The following FRMD4B variants were observed in gnomAD, a reference collection of about 807,000 sequenced individuals.
The protein encoded by FRMD4B is FERM domain containing 4B.
A neutral mutation model predicts 141.5 loss-of-function variants in FRMD4B; 74 were observed. The observed-to-expected ratio is 0.52, with a 90% CI of 0.43 to 0.63. The LOEUF is 0.63. FRMD4B is among the 30% of genes least tolerant of loss of function. FRMD4B has a pLI of 0.00. For missense variants in FRMD4B, 1,366 were observed against 1,253.4 expected (o/e 1.09, Z -1.36); for synonymous variants, 506 against 467.9 (o/e 1.08, Z -1.05).
intron 5 of FRMD4B, among the ~76,000 whole-genome samples, chr3:69,276,239 C>A (rs1036581915): frequency 3.3e-5 from 5 of 152,164 alleles, no homozygotes; most frequent in African/African-American, 1.2e-4. Context: ...AAGAATAGAT[C>A]CCTACAGTTG....
chr3:69,216,736 C>G (rs1185324058), intron 10 of FRMD4B, among the ~76,000 whole-genome samples: 1 of 151,928 alleles, frequency 6.6e-6, no homozygotes, highest in African/African-American at 2.4e-5. Context: ...GGCAATTTCA[C>G]CTCTTAACAA....
At chr3:69,257,381 T>C (rs2093499259) in intron 5 of FRMD4B, among the ~76,000 whole-genome samples, 2 of 152,184 alleles carry the variant, frequency 1.3e-5, no homozygotes, top group Admixed American at 6.5e-5. Flanking sequence ...GGAAGAAGTT[T>C]CTGATTTTTC....
rs1265135497 is a variant in FRMD4B at position 69,325,991 on chromosome 3, T to TCC, written c.163-12475_163-12474insGG. 2.4e-4 allele frequency among the ~76,000 whole-genome samples: 36 copies of TCC among 152,148 alleles called. No homozygotes were observed. The South Asian group carries it at 7.5e-3, about 32-fold the overall frequency. ...TATTATTTGAGACAAGGTCTCTCTCTCTATCACCCAGGCTGGAGTGGACCA... is the reference window on the plus strand; with the variant it reads ...TATTATTTGAGACAAGGTCTCTCTCTCCCTATCACCCAGGCTGGAGTGGACCA... On this transcript the variant is annotated intron_variant, in intron 1 of 22. Transcript: ENST00000398540.
At position 69,198,745 on chromosome 3, in the gene FRMD4B, T is replaced by C. The variant is rs764466280; in HGVS notation, c.906A>G (p.Leu302=). ...KLFQWKQLEN[L]YFREKKFAVE... ...CAGCAAATTTTTTCTCACGGAAATATAAGTTCTCCAGCTGTTTCCATTGGA... is the reference window on the plus strand; with the variant it reads ...CAGCAAATTTTTTCTCACGGAAATACAAGTTCTCCAGCTGTTTCCATTGGA... Residue 302 remains leucine, a synonymous_variant, in exon 12 of 23, where the codon TTA becomes TTG. Transcript: ENST00000398540. The C allele has an allele frequency of 9.6e-6, 15 of 1,562,084 alleles. No individual in the cohort carries two copies. Among genetic ancestry groups the C allele is most frequent in the Admixed American group, 9.1e-5 (5 of 55,056 alleles).
chr3:69,454,087 G>A (rs990437075), intron 1 of FRMD4B, among the ~76,000 whole-genome samples: 4 of 152,200 alleles, frequency 2.6e-5, no homozygotes, highest in Non-Finnish European at 5.9e-5. Flanking sequence ...ATTGGATGAG[G>A]AGGCAGAACA....
At chr3:69,211,022 C>CAAAAAAAAA (rs1559720205) in intron 11 of FRMD4B, among the ~76,000 whole-genome samples, 2 of 3,366 alleles carry the variant, frequency 5.9e-4, no homozygotes, top group African/African-American at 1.2e-3. Flanking sequence ...AATGCCATCT[C>CAAAAAAAAA]GAAAAAAAAA....
chr3:69,287,554 T>C (rs946682164), intron 5 of FRMD4B, 198 bp downstream of exon 5: 8 of 548,468 alleles, frequency 1.5e-5, no homozygotes, highest in East Asian at 3.0e-5. Context: ...GTGCAGATGG[T>C]TGTCTTTCCC....
In FRMD4B at chr3:69,181,241, G is replaced by C. The variant is rs367603851; in HGVS notation, c.2509C>G (p.Pro837Ala). 11 of 1,613,624 alleles carry C rather than the reference G, an allele frequency of 6.8e-6. No individual in the cohort carries two copies. The highest frequency in any genetic ancestry group is 9.3e-6 in the Non-Finnish European group (11 of 1,179,700). ...NDTEGQYSVNPSYRSSAHYGY... is the reference protein window; with the variant it reads ...NDTEGQYSVNASYRSSAHYGY... ...TAGTGGGCTGAGGACCGGTAGGAAG[G>C]GTTGACACTATACTGTCCCTCGGTG... Residue 837 changes from proline (P) to alanine (A), a missense_variant, in exon 21 of 23, where the codon CCT becomes GCT. Pro to Ala is a conservative substitution (Grantham distance 27). Coordinates refer to ENST00000398540, the MANE Select transcript of FRMD4B (RefSeq NM_015123.3).
chr3:69,437,121 G>C (rs1705271586), intron 1 of FRMD4B, among the ~76,000 whole-genome samples: 1 of 152,114 alleles, frequency 6.6e-6, no homozygotes, highest in South Asian at 2.1e-4. Context: ...CGCCCAGGCT[G>C]GAGTGCAGTG....
At chr3:69,388,429 T>G (rs986203), upstream of FRMD4B, among the ~76,000 whole-genome samples, 3 of 151,924 alleles carry the variant, frequency 2.0e-5, no homozygotes, top group African/African-American at 4.8e-5. Context: ...CAGGCAGCCC[T>G]GGAATCAGAA....
Position 69,195,354 on chromosome 3 carries a change from G to C in FRMD4B, c.1245C>G (p.Asp415Glu). Residue 415 changes from aspartate (D) to glutamate (E), a missense_variant, in exon 15 of 23, where the codon GAC becomes GAG. By Grantham distance (45) the Asp-to-Glu change is conservative (BLOSUM62 2). Transcript: ENST00000398540. ...TCTTTTGCTCTTCACTAACTTCTGA[G>C]TCTTGAGAACCTAGGGGATGAGGGA... ...NGSLISSGSQ[D>E]SEVSEEQKRE... 6.2e-7 allele frequency: 1 copy of C among 1,611,166 alleles called. No homozygotes were observed. The highest frequency in any genetic ancestry group is 1.1e-5 in the South Asian group (1 of 90,414).
In FRMD4B at chr3:69,263,236, G is replaced by A. The variant is rs1410915438; in HGVS notation, c.502-13137C>T. ...TGTGCCACTGCACTCCAACCTGGGT[G>A]ACAGAGCAAGACTCCGTCTCAAAAA... On this transcript the variant is annotated intron_variant, in intron 5 of 22. Coordinates refer to ENST00000398540, the MANE Select transcript of FRMD4B (RefSeq NM_015123.3). 2.0e-5 allele frequency among the ~76,000 whole-genome samples: 3 copies of A among 151,974 alleles called. No individual in the cohort carries two copies. The East Asian group carries it at 5.8e-4, about 29-fold the overall frequency.
At chr3:69,260,700 A>C (rs2093521449) in intron 5 of FRMD4B, among the ~76,000 whole-genome samples, 1 of 152,252 alleles carries the variant, frequency 6.6e-6, no homozygotes, top group South Asian at 2.1e-4. Flanking sequence ...CCACTAGGCG[A>C]AGCCAGATGG....
At chr3:69,481,644 C>A (rs1285791708) in intron 1 of FRMD4B, among the ~76,000 whole-genome samples, 1 of 152,192 alleles carries the variant, frequency 6.6e-6, no homozygotes, top group African/African-American at 2.4e-5. Context: ...ACTTCAATTT[C>A]TGGCTCACTG....
At chr3:69,403,984 T>C (rs72939718) in intron 2 of FRMD4B, among the ~76,000 whole-genome samples, 5,447 of 152,242 alleles carry the variant, frequency 0.036, 327 homozygotes, top group African/African-American at 0.12. Context: ...CAGCCTTGAA[T>C]TCCTGGGCTC....
intron 1 of FRMD4B, among the ~76,000 whole-genome samples, chr3:69,457,698 A>T (rs545772577): frequency 6.6e-6 from 1 of 152,320 alleles, no homozygotes; most frequent in South Asian, 2.1e-4. Flanking sequence ...ATTGTTTCTG[A>T]AGCACAGTTT....
In FRMD4B at chr3:69,408,941, GCACTTACC is replaced by G. The variant is rs968436147; in HGVS notation, c.-1+23685_-1+23692del. On this transcript the variant is annotated intron_variant, in intron 2 of 5. Coordinates refer to the FRMD4B transcript ENST00000459638. Reference sequence around the variant, plus strand: ...CAACCTGGGGTAAAATCCCAGCTCTGCACTTACCCACCTTATAATCTTGGAGGAATTAT... The same window carrying G: ...CAACCTGGGGTAAAATCCCAGCTCTGCACCTTATAATCTTGGAGGAATTAT... Among the ~76,000 whole-genome samples the G allele has an allele frequency of 6.5e-4, 99 of 152,238 alleles. 2 individuals carry two copies. The highest frequency in any genetic ancestry group is 2.3e-3 in the African/African-American group (96 of 41,538).
chr3:69,507,755 G>T (rs369899123), intron 1 of FRMD4B, among the ~76,000 whole-genome samples: 92 of 152,220 alleles, frequency 6.0e-4, no homozygotes, highest in African/African-American at 2.1e-3. Context: ...CCTTCTGATG[G>T]TCTGGCTTGA....
At chr3:69,355,218 T>C (rs1270815800) in intron 1 of FRMD4B, among the ~76,000 whole-genome samples, 2 of 152,138 alleles carry the variant, frequency 1.3e-5, no homozygotes, top group Admixed American at 1.3e-4. Context: ...AAAATTATCC[T>C]ATCAAGAGGG....
Sources: gnomAD v4.1 joint callset for allele counts (sites outside exome capture counted in the v4.1 genomes callset) on GRCh38, gnomAD v4.1.1 for gene constraint, MANE v1.5 for transcripts, NCBI Gene and HGNC (gene_info 2026-07-23, HGNC 2026-07-21) for gene names.